The following GPSM2 variants were observed in gnomAD, a reference collection of about 807,000 sequenced individuals.
The protein encoded by GPSM2 is G protein-signaling modulator 2.
GPSM2 carries 58 observed loss-of-function variants against 78.4 expected under a neutral mutation model. The ratio of observed to expected loss-of-function variants is 0.74; its 90% CI spans 0.60 to 0.92. The LOEUF (loss-of-function observed/expected upper bound fraction) is 0.92, where lower values mean the gene tolerates loss of function less well. GPSM2 is among the 40% of genes least tolerant of loss of function. The probability of loss-of-function intolerance (pLI) is 0.00; values close to 1 mark genes in which losing one functional copy is unlikely to be tolerated. For missense variants in GPSM2, 700 were observed against 815.5 expected, an observed-to-expected ratio of 0.86 and a Z score of 1.73; for synonymous variants, 224 against 280.2, an observed-to-expected ratio of 0.80 and a Z score of 2.00.
At chr1:108,916,323 A>G (rs1314031986) in intron 11 of GPSM2, among the ~76,000 whole-genome samples, 3 of 152,060 alleles carry the variant, frequency 2.0e-5, no homozygotes, top group Non-Finnish European at 2.9e-5. Flanking sequence ...CCCTATCATT[A>G]TAACAATAAC....
At chr1:108,914,508 T>G (rs1379315004) in intron 11 of GPSM2, 100 bp downstream of exon 11, 4 of 851,022 alleles carry the variant, frequency 4.7e-6, no homozygotes, top group South Asian at 1.7e-5. Flanking sequence ...TTGCCCTATA[T>G]AGGTATCACT....
chr1:108,896,874 T>G lies in GPSM2; in HGVS notation c.67T>G (p.Ser23Ala), dbSNP rs1648405795. ...SFHVRYRMEA[S>A]CLELALEGER... ...TGTATAATTTTGTAGAATGGAAGCTTCTTGCCTAGAGCTGGCCTTGGAAGG... is the reference window on the plus strand; with the variant it reads ...TGTATAATTTTGTAGAATGGAAGCTGCTTGCCTAGAGCTGGCCTTGGAAGG... The change falls in exon 3 of 15, where the codon TCT (serine) becomes GCT (alanine). Residue 23 changes from serine to alanine, a missense_variant. Transcript: ENST00000264126. The G allele has an allele frequency of 6.2e-7, 1 of 1,612,360 alleles. No individual in the cohort carries two copies. Among genetic ancestry groups the G allele is most frequent in the Non-Finnish European group, 8.5e-7 (1 of 1,178,466 alleles).
At chr1:108,900,923 A>G (rs968742190) in intron 7 of GPSM2, among the ~76,000 whole-genome samples, 14 of 152,228 alleles carry the variant, frequency 9.2e-5, no homozygotes, top group African/African-American at 3.4e-4. Flanking sequence ...AAGTAATTAT[A>G]CTATTTGACA....
intron 1 of GPSM2, among the ~76,000 whole-genome samples, chr1:108,883,464 G>T (rs562507078): frequency 1.7e-4 from 26 of 152,300 alleles, no homozygotes; most frequent in African/African-American, 5.8e-4. Context: ...TTTCTTACAG[G>T]AATATTCAAA....
intron 12 of GPSM2, 44 bp from the exon 13 acceptor site, chr1:108,922,373 T>A: frequency 7.5e-7 from 1 of 1,341,604 alleles, no homozygotes; most frequent in Non-Finnish European, 1.1e-6. Context: ...CTAAAGATAA[T>A]ACTGGAATAT....
At chr1:108,877,878 G>C (rs1347456033) in intron 1 of GPSM2, 1 of 152,198 alleles carries the variant, frequency 6.6e-6, no homozygotes, top group Non-Finnish European at 1.5e-5. Flanking sequence ...TAACCAGTTA[G>C]AGCATTTGAA....
chr1:108,918,905 G>T (rs1180978594), intron 12 of GPSM2, 116 bp downstream of exon 12: 1 of 710,188 alleles, frequency 1.4e-6, no homozygotes, highest in Non-Finnish European at 2.5e-6. Context: ...AAATATCTTT[G>T]TATTCATATT....
At chr1:108,918,921 A>G (rs201480619) in intron 12 of GPSM2, 132 bp downstream of exon 12, 1 of 669,830 alleles carries the variant, frequency 1.5e-6, no homozygotes, top group Non-Finnish European at 2.6e-6. Flanking sequence ...ATATTTCCCT[A>G]TCTTTTCTAT....
In GPSM2 at chr1:108,904,023, C is replaced by T. The variant is rs933670019; in HGVS notation, c.1063-102C>T. 12 of 795,500 alleles carry T rather than the reference C, an allele frequency of 1.5e-5. No individual in the cohort carries two copies. In the African/African-American group the frequency reaches 2.1e-4, roughly 14 times the overall value. 49.3% of individuals were successfully genotyped at this position (795,500 alleles called of 1,614,324 possible). On this transcript the variant is annotated intron_variant, in intron 9 of 14. Transcript: ENST00000264126. ...AATTCTAATATAACTATTTTCATTT[C>T]TCTATATTTTCTTCTAGTTTTAGGT...
In GPSM2 at chr1:108,929,700, G is replaced by C; in HGVS notation, c.1816-1G>C. ...TTTTAATCTCTCTCATAAACTTCTA[G>C]GGATCCAGATTAGATGATCAAAGAT... On this transcript the variant is annotated splice_acceptor_variant, in intron 14 of 14. Coordinates refer to ENST00000264126, the MANE Select transcript of GPSM2 (RefSeq NM_013296.5). LOFTEE classifies it high-confidence loss of function. The C allele has an allele frequency of 6.2e-7, 1 of 1,612,990 alleles. No individual in the cohort carries two copies. Among genetic ancestry groups the C allele is most frequent in the African/African-American group, 1.3e-5 (1 of 74,998 alleles).
In GPSM2 at chr1:108,914,281, G is replaced by C. The variant is rs1369447804; in HGVS notation, c.1193-57G>C. On this transcript the variant is annotated intron_variant, in intron 10 of 14. Coordinates refer to ENST00000264126, the MANE Select transcript of GPSM2 (RefSeq NM_013296.5). Reference sequence around the variant, plus strand: ...TAGAACTGAATAATGTAATGATGCTGAACTTGTACTCTTAAGGGCTCCCTG... The same window carrying C: ...TAGAACTGAATAATGTAATGATGCTCAACTTGTACTCTTAAGGGCTCCCTG... 5 of 1,139,928 alleles carry C rather than the reference G, an allele frequency of 4.4e-6. No individual in the cohort carries two copies. In the African/African-American group the frequency reaches 7.6e-5, roughly 17 times the overall value. 70.6% of individuals were successfully genotyped at this position (1,139,928 alleles called of 1,614,324 possible).
chr1:108,917,513 G>A (rs146735835), intron 11 of GPSM2, among the ~76,000 whole-genome samples: 1,656 of 149,616 alleles, frequency 0.011, 22 homozygotes, highest in African/African-American at 0.038. Context: ...GTTGCAGTGA[G>A]CCGAGATCGT....
chr1:108,893,288 G>C (rs1254779015), intron 2 of GPSM2, among the ~76,000 whole-genome samples: 1 of 152,186 alleles, frequency 6.6e-6, no homozygotes, highest in Non-Finnish European at 1.5e-5. Context: ...CACATGAATA[G>C]CCAGTTCTGC....
chr1:108,923,001 A>G (rs1224364743), intron 13 of GPSM2, among the ~76,000 whole-genome samples: 2 of 152,156 alleles, frequency 1.3e-5, no homozygotes, highest in Non-Finnish European at 2.9e-5. Flanking sequence ...GTTAGACCCT[A>G]TGTCTAAAAA....
rs1650773223 is a variant in GPSM2 at position 108,922,325 on chromosome 1, CT to C, written c.1441-88del. 4 of 903,354 alleles carry C rather than the reference CT, an allele frequency of 4.4e-6. No individual in the cohort carries two copies. The Admixed American group carries it at 7.3e-5, about 16-fold the overall frequency. 56.0% of individuals were successfully genotyped at this position (903,354 alleles called of 1,614,324 possible). On this transcript the variant is annotated intron_variant, in intron 12 of 14. Transcript: ENST00000264126. Reference sequence around the variant, plus strand: ...TCAATTTTTAATCCTCATCCTTTACCTTTTGCATTTGAATGCATCATGATGT... The same window carrying C: ...TCAATTTTTAATCCTCATCCTTTACCTTTGCATTTGAATGCATCATGATGT...
rs1169663444 is a variant in GPSM2, at chr1:108,924,018, T to C, written c.1619T>C (p.Val540Ala). The C allele has an allele frequency of 6.2e-7, 1 of 1,608,086 alleles. No individual in the cohort carries two copies. The highest frequency in any genetic ancestry group is 1.1e-5 in the South Asian group (1 of 90,998). ...TTCTTAGCATCATCTGTTCCTGTGG[T>C]ATCCCCCAACACGGATGAGTTTTTA... Reference protein sequence around the residue: ...MMLKTSSVPVVSPNTDEFLDL... With the variant: ...MMLKTSSVPVASPNTDEFLDL... The change falls in exon 14 of 15, where the codon GTA becomes GCA. Residue 540 changes from valine (V) to alanine (A), a missense_variant. Transcript: ENST00000264126.
intron 2 of GPSM2, among the ~76,000 whole-genome samples, chr1:108,890,303 C>T (rs1012481383): frequency 3.3e-5 from 5 of 152,130 alleles, no homozygotes; most frequent in African/African-American, 7.2e-5. Context: ...GGAATATGAA[C>T]GTAATAAGAT....
intron 10 of GPSM2, among the ~76,000 whole-genome samples, chr1:108,909,218 A>G (rs1422671515): frequency 6.6e-6 from 1 of 152,164 alleles, no homozygotes; most frequent in Non-Finnish European, 1.5e-5. Flanking sequence ...CTAGGTATAT[A>G]TGTGTATTTT....
chr1:108,922,265 C>T, intron 12 of GPSM2, 152 bp from the exon 13 acceptor site: 1 of 624,708 alleles, frequency 1.6e-6, no homozygotes, highest in Non-Finnish European at 2.8e-6. Context: ...CATTTTATTA[C>T]CAATATTTGC....
Sources: gnomAD v4.1 joint callset for allele counts (sites outside exome capture counted in the v4.1 genomes callset) on GRCh38, gnomAD v4.1.1 for gene constraint, MANE v1.5 for transcripts, NCBI Gene and HGNC (gene_info 2026-07-23, HGNC 2026-07-21) for gene names.